Variants in DNAAF11 observed in about 807,000 individuals in gnomAD.
The protein encoded by DNAAF11 is leucine rich repeat containing 6.
A neutral mutation model predicts 60.8 loss-of-function variants in DNAAF11; 45 were observed. The ratio of observed to expected loss-of-function variants is 0.74; its 90% CI spans 0.58 to 0.95. DNAAF11 has a LOEUF of 0.95. DNAAF11 is among the 40% of genes least tolerant of loss of function. The probability of loss-of-function intolerance (pLI) is 0.00; values close to 1 mark genes in which losing one functional copy is unlikely to be tolerated. For synonymous variants in DNAAF11, 191 were observed against 183.5 expected (o/e 1.04, Z -0.33); for missense variants, 546 against 546.2 (o/e 1.00, Z 0.00).
the DNAAF11 span, among the ~76,000 whole-genome samples, chr8:132,688,408 C>G: frequency 6.6e-6 from 1 of 152,190 alleles, no homozygotes; most frequent in Admixed American, 6.5e-5. Context: ...CCTCTACTCT[C>G]CATGAGGGTT....
At chr8:132,604,344 A>G (rs551303115) in intron 10 of DNAAF11, among the ~76,000 whole-genome samples, 1 of 152,296 alleles carries the variant, frequency 6.6e-6, no homozygotes, top group Admixed American at 6.5e-5. Flanking sequence ...TGACCTTAAT[A>G]TGTGATCTTC....
At chr8:132,687,791 G>A in the DNAAF11 span, 8 of 424,326 alleles carry the variant, frequency 1.9e-5, no homozygotes, top group African/African-American at 1.2e-4. Flanking sequence ...TTTTGGCTTT[G>A]ATATTGACCT....
In DNAAF11 at chr8:132,597,404, C is replaced by T. The variant is rs903387232; in HGVS notation, c.1140+12762G>A. 1.6e-4 allele frequency among the ~76,000 whole-genome samples: 24 copies of T among 152,010 alleles called. 1 individual carries two copies. Among genetic ancestry groups the T allele is most frequent in the Admixed American group, 1.6e-3 (24 of 15,272 alleles). ...TTTCCAGTGCCCGCAAAGCTGATTC[C>T]ATTCTTGGATCAAGGTCAGCTGTGC... On this transcript the variant is annotated intron_variant, in intron 10 of 11. Transcript: ENST00000620350.
intron 7 of DNAAF11, among the ~76,000 whole-genome samples, chr8:132,619,943 T>C (rs1270657088): frequency 1.3e-5 from 2 of 152,034 alleles, no homozygotes; most frequent in Non-Finnish European, 2.9e-5. Context: ...GATACACTGG[T>C]AAATTGGATG....
At chr8:132,585,509 T>C (rs1331890434) in intron 10 of DNAAF11, among the ~76,000 whole-genome samples, 3 of 152,116 alleles carry the variant, frequency 2.0e-5, no homozygotes, top group Non-Finnish European at 4.4e-5. Flanking sequence ...ATGTCACAAG[T>C]GGACGGCAAG....
upstream of DNAAF11, among the ~76,000 whole-genome samples, chr8:132,677,762 G>A (rs1286360375): frequency 5.3e-5 from 8 of 152,206 alleles, no homozygotes; most frequent in Admixed American, 4.6e-4. Flanking sequence ...GTGCTGGTGC[G>A]TTGGGTGCCT....
At chr8:132,608,397 T>A (rs778237172) in intron 10 of DNAAF11, 3 of 407,992 alleles carry the variant, frequency 7.4e-6, no homozygotes, top group South Asian at 5.6e-5. Context: ...ATCAAGCACT[T>A]CTAAAATGCT....
chr8:132,683,995 T>G, the DNAAF11 span, among the ~76,000 whole-genome samples: 10 of 152,358 alleles, frequency 6.6e-5, no homozygotes, highest in African/African-American at 2.2e-4. Flanking sequence ...CAGACTGTTT[T>G]ACCTGGTTGA....
intron 1 of DNAAF11, among the ~76,000 whole-genome samples, chr8:132,666,952 T>C (rs565117141): frequency 2.0e-5 from 3 of 152,206 alleles, no homozygotes; most frequent in African/African-American, 7.2e-5. Context: ...ATGGGGCAGA[T>C]AAAAGACAAT....
intron 7 of DNAAF11, among the ~76,000 whole-genome samples, chr8:132,617,563 T>C (rs1236990443): frequency 1.3e-5 from 2 of 152,224 alleles, no homozygotes; most frequent in African/African-American, 2.4e-5. Flanking sequence ...TGGGGTTTTC[T>C]AGATATACAA....
chr8:132,666,643 G>C (rs1379277472), intron 1 of DNAAF11, among the ~76,000 whole-genome samples: 3 of 152,110 alleles, frequency 2.0e-5, no homozygotes, highest in Admixed American at 2.0e-4. Context: ...CAATTAACCA[G>C]AAAAAAAGAA....
chr8:132,573,646 A>G (rs1814446601), intron 11 of DNAAF11, among the ~76,000 whole-genome samples: 1 of 152,204 alleles, frequency 6.6e-6, no homozygotes. Context: ...ATCACAGTCA[A>G]TCAAATTCAG....
the DNAAF11 span, among the ~76,000 whole-genome samples, chr8:132,701,820 G>A: frequency 6.6e-6 from 1 of 152,096 alleles, no homozygotes; most frequent in Non-Finnish European, 1.5e-5. Flanking sequence ...ATCTGGTAGA[G>A]CCCTCTGCTT....
chr8:132,668,532 G>C (rs531609096), intron 1 of DNAAF11, among the ~76,000 whole-genome samples: 1 of 151,954 alleles, frequency 6.6e-6, no homozygotes, highest in Non-Finnish European at 1.5e-5. Flanking sequence ...TCTGCCTCCC[G>C]GGTTCACGCC....
intron 10 of DNAAF11, among the ~76,000 whole-genome samples, chr8:132,589,671 A>G (rs1816261287): frequency 6.6e-6 from 1 of 152,208 alleles, no homozygotes; most frequent in Non-Finnish European, 1.5e-5. Flanking sequence ...AATGTGCATA[A>G]TGACTGCCAC....
At chr8:132,698,989 C>T in the DNAAF11 span, among the ~76,000 whole-genome samples, 5 of 144,734 alleles carry the variant, frequency 3.5e-5, no homozygotes, top group African/African-American at 8.0e-5. Context: ...ATTAGCCGGG[C>T]GCCATGGCAG....
chr8:132,678,272 C>G (rs973968304), upstream of DNAAF11, among the ~76,000 whole-genome samples: 2 of 152,162 alleles, frequency 1.3e-5, no homozygotes, highest in African/African-American at 4.8e-5. Flanking sequence ...CGTGTTGCCA[C>G]CAATGGCTAT....
In DNAAF11 at chr8:132,638,086, A is replaced by C; in HGVS notation, c.278T>G (p.Leu93Arg). 1 of 1,613,924 alleles carries C rather than the reference A, an allele frequency of 6.2e-7. No homozygotes were observed. Among genetic ancestry groups the C allele is most frequent in the Non-Finnish European group, 8.5e-7 (1 of 1,179,962 alleles). ...TCCAATGAAATTCACAGTCAGGTCA[A>C]GTTTTGCCAGCTCTTCACATCCTGT... is the stretch of plus-strand genomic sequence containing the variant. ...NLEGCEELAK[L>R]DLTVNFIGEL... Residue 93 changes from leucine to arginine, a missense_variant, in exon 4 of 12, where the codon CTT becomes CGT. Leu to Arg is a moderately radical substitution (Grantham distance 102). Transcript: ENST00000620350.
intron 10 of DNAAF11, among the ~76,000 whole-genome samples, chr8:132,605,832 G>C (rs1022849763): frequency 1.3e-5 from 2 of 152,106 alleles, no homozygotes; most frequent in Admixed American, 1.3e-4. Flanking sequence ...AACAGCAAGT[G>C]CAAGAGTCCT....
Sources: gnomAD v4.1 joint callset for allele counts (sites outside exome capture counted in the v4.1 genomes callset) on GRCh38, gnomAD v4.1.1 for gene constraint, MANE v1.5 for transcripts, NCBI Gene and HGNC (gene_info 2026-07-23, HGNC 2026-07-21) for gene names.